CAMTA1: variants seen among roughly 807,000 people sequenced by gnomAD.
The protein encoded by CAMTA1 is calmodulin binding transcription activator 1.
In CAMTA1, 27 loss-of-function variants were observed where a neutral mutation model predicts 170.9. The observed-to-expected ratio is 0.16, with a 90% CI of 0.12 to 0.22. The LOEUF is 0.22. Among genes scored for constraint, CAMTA1 ranks in the 10% least tolerant of loss-of-function variants. The pLI is 1.00. For synonymous variants in CAMTA1, 833 were observed against 891.5 expected, an observed-to-expected ratio of 0.93 and a Z score of 1.17; for missense variants, 1,619 against 2,217.2, an observed-to-expected ratio of 0.73 and a Z score of 5.42.
Position 7,663,864 on chromosome 1 carries a change from C to T in CAMTA1, c.1317C>T (p.Gly439=). ...QGLVLAVSSD[G]HKFAFPTTGS... ...TCGTCCTGGCCGTGAGCTCTGATGGCCACAAGTTCGCCTTTCCCACCACGG... is the reference window on the plus strand; with the variant it reads ...TCGTCCTGGCCGTGAGCTCTGATGGTCACAAGTTCGCCTTTCCCACCACGG... The change falls in exon 9 of 23, where the codon GGC becomes GGT. Residue 439 remains glycine, a synonymous_variant. Transcript: ENST00000303635. 1 of 1,614,086 alleles carries T rather than the reference C, an allele frequency of 6.2e-7. No individual in the cohort carries two copies. Among genetic ancestry groups the T allele is most frequent in the Non-Finnish European group, 8.5e-7 (1 of 1,180,046 alleles).
chr1:7,260,842 C>A (rs1391630270), intron 5 of CAMTA1, among the ~76,000 whole-genome samples: 2 of 152,182 alleles, frequency 1.3e-5, no homozygotes, highest in Non-Finnish European at 2.9e-5. Context: ...CCACAATTTA[C>A]CTACAGTTTA....
chr1:6,793,696 G>C (rs981038612), intron 1 of CAMTA1, among the ~76,000 whole-genome samples: 1 of 152,018 alleles, frequency 6.6e-6, no homozygotes, highest in African/African-American at 2.4e-5. Flanking sequence ...TACAACCAGA[G>C]GTATTCTTTC....
chr1:6,855,201 C>T (rs1661838524), intron 3 of CAMTA1, among the ~76,000 whole-genome samples: 1 of 152,048 alleles, frequency 6.6e-6, no homozygotes, highest in African/African-American at 2.4e-5. Flanking sequence ...ACAACAAACA[C>T]AAATTCCAAA....
intron 3 of CAMTA1, among the ~76,000 whole-genome samples, chr1:7,055,060 A>G (rs1051349975): frequency 6.6e-6 from 1 of 152,158 alleles, no homozygotes; most frequent in African/African-American, 2.4e-5. Context: ...TCACAAGAGC[A>G]GCACCGAGGG....
chr1:7,668,849 GT>G (rs1421700369), intron 9 of CAMTA1, among the ~76,000 whole-genome samples: 5 of 152,150 alleles, frequency 3.3e-5, no homozygotes, highest in Non-Finnish European at 7.3e-5. Flanking sequence ...TTCTCACATG[GT>G]AACTGTCTGT....
At chr1:7,621,917 C>T (rs78110250) in intron 6 of CAMTA1, among the ~76,000 whole-genome samples, 4 of 152,172 alleles carry the variant, frequency 2.6e-5, no homozygotes, top group African/African-American at 4.8e-5. Flanking sequence ...CTAGAGAGAA[C>T]GAATATGCTA....
chr1:6,830,104 T>C (rs1390310267), intron 3 of CAMTA1, among the ~76,000 whole-genome samples: 1 of 151,874 alleles, frequency 6.6e-6, no homozygotes, highest in Non-Finnish European at 1.5e-5. Context: ...TGGCGCGATC[T>C]CCGCTCACTG....
chr1:7,016,429 G>A (rs1410279454), intron 3 of CAMTA1, among the ~76,000 whole-genome samples: 1 of 152,216 alleles, frequency 6.6e-6, no homozygotes, highest in Non-Finnish European at 1.5e-5. Flanking sequence ...TCGAATGGGT[G>A]AATGAATGGA....
At chr1:7,242,238 A>G (rs912914050) in intron 4 of CAMTA1, among the ~76,000 whole-genome samples, 2 of 152,210 alleles carry the variant, frequency 1.3e-5, no homozygotes, top group Non-Finnish European at 2.9e-5. Flanking sequence ...TAAAACCACA[A>G]TACACTCACT....
At chr1:7,183,333 C>T (rs955087976) in intron 4 of CAMTA1, among the ~76,000 whole-genome samples, 1 of 152,156 alleles carries the variant, frequency 6.6e-6, no homozygotes, top group African/African-American at 2.4e-5. Flanking sequence ...CCATCAGGCC[C>T]CAACTGCAAC....
intron 3 of CAMTA1, among the ~76,000 whole-genome samples, chr1:6,927,228 G>A (rs767472926): frequency 2.6e-5 from 4 of 151,968 alleles, no homozygotes; most frequent in Admixed American, 6.6e-5. Context: ...GTAGAGATGG[G>A]ATTTTGCCAT....
intron 6 of CAMTA1, among the ~76,000 whole-genome samples, chr1:7,513,903 C>T (rs547505281): frequency 6.6e-6 from 1 of 152,164 alleles, no homozygotes; most frequent in East Asian, 1.9e-4. Context: ...GCCTGGGCGA[C>T]AAGAGTGAAA....
At chr1:7,520,400 C>G (rs1390614693) in intron 6 of CAMTA1, among the ~76,000 whole-genome samples, 1 of 149,694 alleles carries the variant, frequency 6.7e-6, no homozygotes. Context: ...GTTACGGCCC[C>G]TCTCCGAAGT....
rs190303225 is a variant in CAMTA1, at chr1:7,630,070, C to T, written c.511-10330C>T. Reference sequence around the variant, plus strand: ...AGATTTTATCGGACATGTCTTCCCCCGGGTCATTTATAATGATTTTAAATA... The same window carrying T: ...AGATTTTATCGGACATGTCTTCCCCTGGGTCATTTATAATGATTTTAAATA... On this transcript the variant is annotated intron_variant, in intron 6 of 22. Coordinates refer to ENST00000303635, the MANE Select transcript of CAMTA1 (RefSeq NM_015215.4). Among the ~76,000 whole-genome samples, 194 of 152,336 alleles carry T rather than the reference C, an allele frequency of 1.3e-3. 1 individual carries two copies. The highest frequency in any genetic ancestry group is 4.1e-3 in the African/African-American group (171 of 41,584).
intron 3 of CAMTA1, among the ~76,000 whole-genome samples, chr1:6,897,806 ATGT>A (rs142237937): frequency 0.012 from 1,871 of 152,328 alleles, 32 homozygotes; most frequent in African/African-American, 0.043. Flanking sequence ...ACTGCTTTGA[ATGT>A]TAGTAAGGGA....
At chr1:7,193,599 G>A (rs1450202240) in intron 4 of CAMTA1, among the ~76,000 whole-genome samples, 1 of 152,018 alleles carries the variant, frequency 6.6e-6, no homozygotes, top group Non-Finnish European at 1.5e-5. Context: ...GGGAGGTGAA[G>A]GACGCAGACC....
rs1238502618 is a variant in CAMTA1, at chr1:7,333,583, A to G, written c.438+83957A>G. Among the ~76,000 whole-genome samples, 1 of 152,206 alleles carries G rather than the reference A, an allele frequency of 6.6e-6. No individual in the cohort carries two copies. The highest frequency in any genetic ancestry group is 1.5e-5 in the Non-Finnish European group (1 of 68,036). On this transcript the variant is annotated intron_variant, in intron 5 of 22. Coordinates refer to ENST00000303635, the MANE Select transcript of CAMTA1 (RefSeq NM_015215.4). The surrounding 1 kb of genome is among the most constrained non-coding windows in gnomAD (Gnocchi z 4.4). ...ATCTTCATATTGGATCCAGGAAGAC[A>G]ACTTTGTGAAAGGAAAAGGCTGAGG...
intron 11 of CAMTA1, among the ~76,000 whole-genome samples, chr1:7,718,839 G>A (rs1007822884): frequency 4.3e-5 from 6 of 138,730 alleles, no homozygotes; most frequent in Non-Finnish European, 4.5e-5. Context: ...TTACAGGCAT[G>A]AGCCCGGTCA....
At chr1:7,558,256 G>A (rs1280285963) in intron 6 of CAMTA1, among the ~76,000 whole-genome samples, 4 of 152,238 alleles carry the variant, frequency 2.6e-5, no homozygotes, top group South Asian at 2.1e-4. Flanking sequence ...GCCCCCGCCC[G>A]CTGCCTCTGC....
Sources: allele counts gnomAD v4.1 joint callset (sites outside exome capture counted in the v4.1 genomes callset), GRCh38; gene constraint gnomAD v4.1.1; non-coding constraint Gnocchi (gnomAD v3.1); transcripts MANE v1.5; gene names NCBI Gene and HGNC (gene_info 2026-07-23, HGNC 2026-07-21).